GADL1: variants seen among roughly 807,000 people sequenced by gnomAD.
The protein encoded by GADL1 is acidic amino acid decarboxylase GADL1.
Under a neutral mutation model 69.5 loss-of-function variants are expected in GADL1, and 71 were observed. The observed-to-expected ratio is 1.02, with a 90% confidence interval of 0.84 to 1.25. The LOEUF (loss-of-function observed/expected upper bound fraction) is 1.25. Ranked by LOEUF, GADL1 falls within the 50% of genes most tolerant of loss-of-function variation. The pLI is 0.00. For synonymous variants in GADL1, 254 were observed against 214.4 expected, an observed-to-expected ratio of 1.18 and a Z score of -1.62; for missense variants, 737 against 631.8, an observed-to-expected ratio of 1.17 and a Z score of -1.79.
At chr3:30,734,471 A>T (rs812124) in intron 14 of GADL1, among the ~76,000 whole-genome samples, 2 of 151,992 alleles carry the variant, frequency 1.3e-5, no homozygotes, top group African/African-American at 2.4e-5. Flanking sequence ...CTTTGGATTC[A>T]GCTAAATATA....
chr3:30,775,911 C>T (rs1282006903), intron 14 of GADL1, among the ~76,000 whole-genome samples: 2 of 152,032 alleles, frequency 1.3e-5, no homozygotes, highest in African/African-American at 4.8e-5. Flanking sequence ...ATGGTGAAAC[C>T]CCATCTCGAC....
At chr3:30,830,553 A>G (rs1338942015) in intron 11 of GADL1, among the ~76,000 whole-genome samples, 1 of 151,820 alleles carries the variant, frequency 6.6e-6, no homozygotes, top group Non-Finnish European at 1.5e-5. Flanking sequence ...CTCAGCCTTC[A>G]TGGGGAATCC....
At position 30,776,796 on chromosome 3, in the gene GADL1, C is replaced by T. The variant is rs543162798; in HGVS notation, c.1392+1383G>A. On this transcript the variant is annotated intron_variant, in intron 14 of 14. Coordinates refer to ENST00000282538, the MANE Select transcript of GADL1 (RefSeq NM_207359.3). ...TGGAAGGCAAGGCTCCCATGACCCTCCCTCTGCCTGTTACTCTTCTCACCT... is the reference window on the plus strand; with the variant it reads ...TGGAAGGCAAGGCTCCCATGACCCTTCCTCTGCCTGTTACTCTTCTCACCT... Among the ~76,000 whole-genome samples the T allele has an allele frequency of 8.9e-4, 135 of 152,292 alleles. 2 individuals carry two copies. Among genetic ancestry groups the T allele is most frequent in the African/African-American group, 3.2e-3 (133 of 41,568 alleles).
chr3:30,777,251 T>A (rs867243008), intron 14 of GADL1, among the ~76,000 whole-genome samples: 27 of 147,968 alleles, frequency 1.8e-4, no homozygotes, highest in Middle Eastern at 6.8e-3. Context: ...AAATTGCTTT[T>A]AAAAAAAAAA....
At chr3:30,853,693 T>A (rs1233808282) in intron 4 of GADL1, among the ~76,000 whole-genome samples, 1 of 152,098 alleles carries the variant, frequency 6.6e-6, no homozygotes, top group Non-Finnish European at 1.5e-5. Flanking sequence ...CCAGGCATTG[T>A]CCCAGGAGTC....
rs17026634 is a variant in GADL1, at chr3:30,819,132, C to T, written c.1050+14721G>A. On this transcript the variant is annotated intron_variant, in intron 11 of 14. Transcript: ENST00000282538. ...CCCACATTGAGTTTCACCTAGAATT[C>T]GAGCTGAGAGGAAAGAACCTATTAT... Among the ~76,000 whole-genome samples the T allele has an allele frequency of 0.012, 1,830 of 151,894 alleles. 162 individuals carry two copies. The East Asian group carries it at 0.25, about 21-fold the overall frequency.
Position 30,728,321 on chromosome 3 carries a change from A to C in GADL1, c.1487T>G (p.Val496Gly), listed in dbSNP as rs776884931. 2.5e-6 allele frequency: 4 copies of C among 1,613,764 alleles called. No homozygotes were observed. The East Asian group carries it at 8.9e-5, about 36-fold the overall frequency. Residue 496 changes from valine (V) to glycine (G), a missense_variant, in exon 15 of 15, where the codon GTG (valine) becomes GGG (glycine). Val to Gly is a moderately radical substitution (Grantham distance 109). Transcript: ENST00000282538. ...HRGKVNFFRQ[V>G]VISPQVSRED... ...CCGGCTCACTTGAGGGCTGATCACC[A>C]CCTGGCGGAAGAAGTTGACCTTTCC...
Position 30,800,850 on chromosome 3 carries a change from C to G in GADL1, c.1250+39G>C, listed in dbSNP as rs878931469. The G allele has an allele frequency of 2.4e-5, 29 of 1,187,860 alleles. No homozygotes were observed. The African/African-American group carries it at 2.6e-4, about 11-fold the overall frequency. 73.6% of individuals were successfully genotyped at this position (1,187,860 alleles called of 1,614,324 possible). ...ACACACACACACACACACACACACA[C>G]AGAAAGAGAGAGAGAGAGAGAGAGA... On this transcript the variant is annotated intron_variant, in intron 12 of 14. Coordinates refer to ENST00000282538, the MANE Select transcript of GADL1 (RefSeq NM_207359.3).
intron 11 of GADL1, among the ~76,000 whole-genome samples, chr3:30,833,635 T>C (rs1324229143): frequency 6.6e-6 from 1 of 152,068 alleles, no homozygotes; most frequent in Admixed American, 6.6e-5. Flanking sequence ...TGAGATTATA[T>C]AATACCTAAA....
At chr3:30,751,192 C>T (rs909072356) in intron 14 of GADL1, among the ~76,000 whole-genome samples, 2 of 152,030 alleles carry the variant, frequency 1.3e-5, no homozygotes, top group African/African-American at 4.8e-5. Flanking sequence ...GATTGAGGGC[C>T]AAGCCTCACT....
At chr3:30,871,580 ACT>A (rs1698482035) in intron 1 of GADL1, among the ~76,000 whole-genome samples, 1 of 151,812 alleles carries the variant, frequency 6.6e-6, no homozygotes, top group South Asian at 2.1e-4. Context: ...GGAGAAAATC[ACT>A]CTGTGCATCA....
At chr3:30,786,002 C>A (rs1696780832) in intron 13 of GADL1, among the ~76,000 whole-genome samples, 1 of 152,108 alleles carries the variant, frequency 6.6e-6, no homozygotes, top group African/African-American at 2.4e-5. Flanking sequence ...ACTGTACATT[C>A]ACTTAATTGA....
At chr3:30,733,684 G>T (rs770289294) in intron 14 of GADL1, among the ~76,000 whole-genome samples, 1 of 142,476 alleles carries the variant, frequency 7.0e-6, no homozygotes, top group African/African-American at 2.6e-5. Flanking sequence ...TTGATTGCTT[G>T]CTTGCTTTCT....
intron 11 of GADL1, among the ~76,000 whole-genome samples, chr3:30,821,723 G>A (rs906591459): frequency 6.6e-6 from 1 of 151,316 alleles, no homozygotes; most frequent in Non-Finnish European, 1.5e-5. Flanking sequence ...AGAATAAATA[G>A]ATGATAATAA....
At position 30,750,945 on chromosome 3, in the gene GADL1, C is replaced by G. The variant is rs185597438; in HGVS notation, c.1393-22530G>C. ...ACATTATCTGAAACACAAAGTCAAC[C>G]TTTGTAATAAATATAAAAGAAGCGT... On this transcript the variant is annotated intron_variant, in intron 14 of 14. Coordinates refer to ENST00000282538, the MANE Select transcript of GADL1 (RefSeq NM_207359.3). Among the ~76,000 whole-genome samples, 6 of 152,076 alleles carry G rather than the reference C, an allele frequency of 3.9e-5. No individual in the cohort carries two copies. In the East Asian group the frequency reaches 9.7e-4, roughly 24 times the overall value.
intron 14 of GADL1, among the ~76,000 whole-genome samples, chr3:30,769,668 AAC>A (rs1484893583): frequency 1.3e-5 from 2 of 152,306 alleles, no homozygotes; most frequent in East Asian, 1.9e-4. Flanking sequence ...GAAAGGAGAA[AAC>A]ACAAGATCAA....
chr3:30,842,563 A>G (rs1028100979), intron 8 of GADL1, among the ~76,000 whole-genome samples: 2 of 152,084 alleles, frequency 1.3e-5, no homozygotes, highest in African/African-American at 4.8e-5. Flanking sequence ...AAAGGGAGGA[A>G]GGAAGGAGAA....
intron 14 of GADL1, among the ~76,000 whole-genome samples, chr3:30,750,552 A>G (rs1695792763): frequency 6.6e-6 from 1 of 152,170 alleles, no homozygotes; most frequent in Admixed American, 6.5e-5. Context: ...CTAGCTGTGG[A>G]AAGAGTACCA....
rs538019651 is a variant in GADL1, at chr3:30,857,761, G to T, written c.211-620C>A. Among the ~76,000 whole-genome samples, 11 of 151,974 alleles carry T rather than the reference G, an allele frequency of 7.2e-5. No individual in the cohort carries two copies. The South Asian group carries it at 2.3e-3, about 32-fold the overall frequency. On this transcript the variant is annotated intron_variant, in intron 2 of 14. Coordinates refer to ENST00000282538, the MANE Select transcript of GADL1 (RefSeq NM_207359.3). ...GATATAAAATGATCCTTTACGATCTGCTTCTCCTGGTTTCATTTTTCCTCT... is the reference window on the plus strand; with the variant it reads ...GATATAAAATGATCCTTTACGATCTTCTTCTCCTGGTTTCATTTTTCCTCT...
Sources: allele counts gnomAD v4.1 joint callset (sites outside exome capture counted in the v4.1 genomes callset), GRCh38; gene constraint gnomAD v4.1.1; transcripts MANE v1.5; gene names NCBI Gene and HGNC (gene_info 2026-07-23, HGNC 2026-07-21).